UBR4: variants seen among roughly 807,000 people sequenced by gnomAD.
UBR4 encodes the protein E3 ubiquitin-protein ligase UBR4.
In UBR4, 124 loss-of-function variants were observed where a neutral mutation model predicts 575.6. The observed-to-expected ratio is 0.22, with a 90% CI of 0.19 to 0.25. UBR4 has a LOEUF of 0.25. UBR4 is among the 10% of genes least tolerant of loss of function. The pLI, the probability that UBR4 is intolerant of heterozygous loss-of-function variation, is 1.00. For missense variants in UBR4, 4,818 were observed against 6,478.8 expected, an observed-to-expected ratio of 0.74 and a Z score of 8.80; for synonymous variants, 2,455 against 2,473.7, an observed-to-expected ratio of 0.99 and a Z score of 0.22.
chr1:19,165,179 CA>C, intron 31 of UBR4, 69 bp downstream of exon 31: 1 of 1,501,408 alleles, frequency 6.7e-7, no homozygotes, highest in Non-Finnish European at 9.2e-7. Context: ...TAAACTCAGG[CA>C]GAAGATATGC....
intron 44 of UBR4, 66 bp downstream of exon 44, chr1:19,154,852 T>G: frequency 1.3e-6 from 2 of 1,598,336 alleles, no homozygotes; most frequent in Non-Finnish European, 1.7e-6. Context: ...TAGCAGATAG[T>G]GGGAGTGGAG....
At chr1:19,137,972 G>A in intron 60 of UBR4, 35 bp downstream of exon 60, 1 of 1,442,472 alleles carries the variant, frequency 6.9e-7, no homozygotes, top group Non-Finnish European at 9.2e-7. Flanking sequence ...TCTCAGATAG[G>A]CAAGCCTCTT....
chr1:19,075,028 AG>A (rs1186519412), intron 105 of UBR4, 132 bp from the exon 106 acceptor site: 31 of 899,908 alleles, frequency 3.4e-5, no homozygotes, highest in African/African-American at 8.1e-5. Context: ...CTCACTGGAC[AG>A]CAGCATGACC....
At chr1:19,197,533 G>A (rs1225720214) in intron 7 of UBR4, 137 bp downstream of exon 7, 2 of 1,274,580 alleles carry the variant, frequency 1.6e-6, no homozygotes, top group Non-Finnish European at 1.1e-6. Context: ...GGAGGCTGAG[G>A]TGGGAGAACT....
intron 93 of UBR4, 133 bp from the exon 94 acceptor site, chr1:19,095,158 G>T: frequency 7.5e-7 from 1 of 1,330,034 alleles, no homozygotes; most frequent in Non-Finnish European, 1.0e-6. Flanking sequence ...GTGTATGTAT[G>T]TGCGTGTATA....
chr1:19,165,429 T>C, intron 30 of UBR4, 80 bp from the exon 31 acceptor site: 1 of 1,307,230 alleles, frequency 7.6e-7, no homozygotes, highest in Middle Eastern at 1.9e-4. Flanking sequence ...CACAATCTCA[T>C]CTCCTCTGGG....
At position 19,094,296 on chromosome 1, in the gene UBR4, G is replaced by A. The variant is rs530240084; in HGVS notation, c.13747-157C>T. 2.7e-4 allele frequency among the ~76,000 whole-genome samples: 41 copies of A among 152,238 alleles called. 1 individual carries two copies. The South Asian group carries it at 7.5e-3, about 28-fold the overall frequency. On this transcript the variant is annotated intron_variant, in intron 94 of 105. Transcript: ENST00000375254. ...ACTTCTTGGGGAATAACAAACAGTC[G>A]GAGTTTCACTTGAGAAATTCGTTTC...
At chr1:19,115,816 T>C (rs761428579) in intron 73 of UBR4, among the ~76,000 whole-genome samples, 179 bp from the exon 74 acceptor site, 1 of 152,214 alleles carries the variant, frequency 6.6e-6, no homozygotes, top group African/African-American at 2.4e-5. Flanking sequence ...TACTACCTTT[T>C]CTCTATAAAA....
intron 102 of UBR4, among the ~76,000 whole-genome samples, chr1:19,082,973 C>T (rs776239422): frequency 1.1e-4 from 16 of 152,138 alleles, no homozygotes; most frequent in African/African-American, 1.9e-4. Flanking sequence ...CAGTCTGGGC[C>T]GAGAAGCAAG....
rs541524815 is a variant in UBR4, at chr1:19,155,031, G to A, written c.6345C>T (p.Tyr2115=). ...AGAACAACATCTGCAACACGTGGGA[G>A]TAGTACACGGACACACCACCGCCCG... The part of the protein sequence containing the change: ...QVAGGGVSVY[Y]SHVLQMLFFS... The change falls in exon 44 of 106, where the codon TAC becomes TAT. Residue 2115 remains tyrosine, a synonymous_variant. Transcript: ENST00000375254. 1.3e-5 allele frequency: 21 copies of A among 1,614,136 alleles called. No homozygotes were observed. In the Admixed American group the frequency reaches 3.5e-4, roughly 27 times the overall value.
intron 20 of UBR4, among the ~76,000 whole-genome samples, chr1:19,175,984 C>T (rs951827583): frequency 4.6e-5 from 7 of 151,972 alleles, no homozygotes; most frequent in East Asian, 1.9e-4. Context: ...TTTTGGTAGA[C>T]GGGATCTACT....
intron 6 of UBR4, 22 bp from the exon 7 acceptor site, chr1:19,197,833 C>T: frequency 6.2e-7 from 1 of 1,613,606 alleles, no homozygotes; most frequent in South Asian, 1.1e-5. Context: ...AAAACCACAA[C>T]CTTACAAACA....
intron 25 of UBR4, 74 bp downstream of exon 25, chr1:19,172,790 A>C: frequency 6.8e-7 from 1 of 1,471,268 alleles, no homozygotes; most frequent in Non-Finnish European, 9.4e-7. Flanking sequence ...GAAAAATGTC[A>C]AATTCTGAGT....
In UBR4 at chr1:19,123,078, CA is replaced by C; in HGVS notation, c.9589-19del. On this transcript the variant is annotated intron_variant, in intron 65 of 105. Coordinates refer to ENST00000375254, the MANE Select transcript of UBR4 (RefSeq NM_020765.3). Reference sequence around the variant, plus strand: ...ATGAGGTACTTGAGAAGAAAAACACCACAAAGAGTAAATGACTCTGGGACTG... The same window carrying C: ...ATGAGGTACTTGAGAAGAAAAACACCCAAAGAGTAAATGACTCTGGGACTG... 1 of 1,612,414 alleles carries C rather than the reference CA, an allele frequency of 6.2e-7. No homozygotes were observed. The highest frequency in any genetic ancestry group is 8.5e-7 in the Non-Finnish European group (1 of 1,178,862).
At position 19,077,784 on chromosome 1, in the gene UBR4, C is replaced by T. The variant is rs775705323; in HGVS notation, c.15324+192G>A. On this transcript the variant is annotated intron_variant, in intron 104 of 105. Coordinates refer to ENST00000375254, the MANE Select transcript of UBR4 (RefSeq NM_020765.3). ...AACAAAACCAAACAAAACAAATGTA[C>T]CTCACAGACACAAGGCTCCAGGCTG... 31 of 1,520,066 alleles carry T rather than the reference C, an allele frequency of 2.0e-5. No individual in the cohort carries two copies. In the African/African-American group the frequency reaches 2.2e-4, roughly 11 times the overall value. 94.2% of individuals were successfully genotyped at this position (1,520,066 alleles called of 1,614,324 possible). A position where few individuals can be genotyped will look rare whatever the true frequency, so the allele number is the denominator to read the frequency against.
At position 19,074,802 on chromosome 1, in the gene UBR4, G is replaced by A. The variant is rs781247113; in HGVS notation, c.*30C>T. ...AGAGGGTGGAAGGCAAGCCAGCTTC[G>A]TCTTCGCCGCCGCAGCTGCTGTGTG... On this transcript the variant is annotated 3_prime_UTR_variant, in exon 106 of 106. Coordinates refer to ENST00000375254, the MANE Select transcript of UBR4 (RefSeq NM_020765.3). The A allele has an allele frequency of 1.4e-5, 23 of 1,612,966 alleles. 1 individual carries two copies. The South Asian group carries it at 1.7e-4, about 12-fold the overall frequency.
chr1:19,190,107 C>T (rs1290048595), intron 11 of UBR4, among the ~76,000 whole-genome samples: 3 of 149,922 alleles, frequency 2.0e-5, no homozygotes, highest in East Asian at 2.0e-4. Flanking sequence ...GCCAACATGG[C>T]GAAACCCCAA....
Position 19,086,142 on chromosome 1 carries a change from C to A in UBR4, c.14813+3G>T. 1 of 1,613,770 alleles carries A rather than the reference C, an allele frequency of 6.2e-7. No individual in the cohort carries two copies. Among genetic ancestry groups the A allele is most frequent in the South Asian group, 1.1e-5 (1 of 91,006 alleles). ...TCCACCATGAAAAATACTCAACACT[C>A]ACCTTGCCAAGCAAGTGGCAAAAGC... On this transcript the variant is annotated splice_donor_region_variant and intron_variant, in intron 101 of 105. Transcript: ENST00000375254.
intron 17 of UBR4, 29 bp from the exon 18 acceptor site, chr1:19,179,249 T>C: frequency 7.9e-6 from 12 of 1,518,632 alleles, no homozygotes; most frequent in Non-Finnish European, 1.1e-5. Flanking sequence ...AACAGAACAT[T>C]AGCAAACAGA....
Sources: allele counts gnomAD v4.1 joint callset (sites outside exome capture counted in the v4.1 genomes callset), GRCh38; gene constraint gnomAD v4.1.1; transcripts MANE v1.5; gene names NCBI Gene and HGNC (gene_info 2026-07-23, HGNC 2026-07-21).